The following GRB10 variants were observed in gnomAD, a reference collection of about 807,000 sequenced individuals.
The protein encoded by GRB10 is growth factor receptor-bound protein 10.
In GRB10, 20 loss-of-function variants were observed where a neutral mutation model predicts 80.9. That is an observed-to-expected ratio of 0.25 (90% CI 0.17 to 0.36). The LOEUF (loss-of-function observed/expected upper bound fraction) is 0.36, where lower values mean the gene tolerates loss of function less well. GRB10 is among the 10% of genes least tolerant of loss of function. The pLI, the probability that GRB10 is intolerant of heterozygous loss-of-function variation, is 1.00. For synonymous variants in GRB10, 291 were observed against 291.5 expected, an observed-to-expected ratio of 1.00 and a Z score of 0.02; for missense variants, 548 against 747.7, an observed-to-expected ratio of 0.73 and a Z score of 3.12.
intron 7 of GRB10, among the ~76,000 whole-genome samples, chr7:50,666,407 A>G (rs2059803586): frequency 1.3e-5 from 2 of 152,104 alleles, no homozygotes; most frequent in Admixed American, 1.3e-4. Context: ...TTCTCTACCC[A>G]TGACTACTCC....
intron 4 of GRB10, among the ~76,000 whole-genome samples, chr7:50,710,031 C>G (rs2065654488): frequency 6.6e-6 from 1 of 152,116 alleles, no homozygotes; most frequent in Non-Finnish European, 1.5e-5. Context: ...AGAATGTTCT[C>G]TACCCCATCC....
chr7:50,681,708 A>G (rs969349830), intron 5 of GRB10, among the ~76,000 whole-genome samples: 1 of 152,208 alleles, frequency 6.6e-6, no homozygotes, highest in Non-Finnish European at 1.5e-5. Flanking sequence ...ATTTGAGTTT[A>G]TGGGGCTCCT....
chr7:50,735,797 A>C (rs1327419365), intron 3 of GRB10, among the ~76,000 whole-genome samples: 3 of 152,192 alleles, frequency 2.0e-5, no homozygotes. Flanking sequence ...TCTTTTGAAA[A>C]AGACGTTTAT....
rs1354252954 is a variant in GRB10 at position 50,689,334 on chromosome 7, A to G, written c.139+14487T>C. ...CAATTATTTTTCAGTGCATTTAAAA[A>G]TATATCCACAAAGATGGGAAGGTTA... is the stretch of plus-strand genomic sequence containing the variant. On this transcript the variant is annotated intron_variant, in intron 5 of 18. Transcript: ENST00000401949. Among the ~76,000 whole-genome samples the G allele has an allele frequency of 5.3e-5, 8 of 152,372 alleles. No homozygotes were observed. In the South Asian group the frequency reaches 1.7e-3, roughly 32 times the overall value.
chr7:50,675,518 C>A (rs2060834446), intron 5 of GRB10, among the ~76,000 whole-genome samples: 1 of 152,206 alleles, frequency 6.6e-6, no homozygotes, highest in African/African-American at 2.4e-5. Context: ...TTGAGTAAAG[C>A]AGATTGTTCT....
At chr7:50,684,990 G>A (rs1281989933) in intron 5 of GRB10, among the ~76,000 whole-genome samples, 1 of 152,132 alleles carries the variant, frequency 6.6e-6, no homozygotes, top group Non-Finnish European at 1.5e-5. Context: ...GAAAATCCAG[G>A]TTATGGTCCA....
intron 5 of GRB10, among the ~76,000 whole-genome samples, chr7:50,681,346 C>T (rs2061523386): frequency 6.6e-6 from 1 of 152,182 alleles, no homozygotes; most frequent in African/African-American, 2.4e-5. Context: ...ATCCCTGGCC[C>T]TTTTGGACTT....
At chr7:50,675,709 C>G (rs188213267) in intron 5 of GRB10, among the ~76,000 whole-genome samples, 8 of 152,080 alleles carry the variant, frequency 5.3e-5, no homozygotes, top group African/African-American at 1.7e-4. Flanking sequence ...TGTCATGAGC[C>G]AATTCCTAAA....
At chr7:50,762,343 T>C (rs914470338) in intron 2 of GRB10, among the ~76,000 whole-genome samples, 18 of 150,900 alleles carry the variant, frequency 1.2e-4, no homozygotes, top group Non-Finnish European at 2.7e-4. Context: ...TAAAAAATTT[T>C]TGAGGAAGCC....
chr7:50,785,604 G>A (rs1370781812), upstream of GRB10, among the ~76,000 whole-genome samples: 2 of 152,218 alleles, frequency 1.3e-5, no homozygotes, highest in African/African-American at 4.8e-5. Flanking sequence ...CCCCACATGT[G>A]GAACCATTGG....
At chr7:50,622,765 G>A (rs542124705) in intron 8 of GRB10, among the ~76,000 whole-genome samples, 1 of 151,052 alleles carries the variant, frequency 6.6e-6, no homozygotes. Context: ...GTTTAAATTT[G>A]TATTTTTCAA....
chr7:50,704,007 T>C, intron 4 of GRB10, 99 bp from the exon 5 acceptor site: 1 of 758,018 alleles, frequency 1.3e-6, no homozygotes, highest in Non-Finnish European at 2.3e-6. Context: ...TCTTCCTCAA[T>C]TCCTTACTTC....
intron 5 of GRB10, among the ~76,000 whole-genome samples, chr7:50,687,838 T>C (rs58043975): frequency 1.3e-5 from 2 of 152,186 alleles, no homozygotes; most frequent in Admixed American, 1.3e-4. Context: ...AAATGGAAGG[T>C]GAAAATAAGT....
chr7:50,703,948 CAAG>C (rs1421207332), intron 4 of GRB10, 40 bp from the exon 5 acceptor site: 1 of 1,387,124 alleles, frequency 7.2e-7, no homozygotes, highest in Non-Finnish European at 1.0e-6. Context: ...TGTGAGTTCA[CAAG>C]AAGCATCCCA....
chr7:50,692,159 T>C (rs578199208), intron 5 of GRB10, among the ~76,000 whole-genome samples: 4 of 152,232 alleles, frequency 2.6e-5, no homozygotes, highest in Admixed American at 1.3e-4. Context: ...AATCTAGAGA[T>C]GATTTAAAGT....
chr7:50,679,061 G>GT (rs2061279287), intron 5 of GRB10, among the ~76,000 whole-genome samples: 1 of 152,182 alleles, frequency 6.6e-6, no homozygotes, highest in African/African-American at 2.4e-5. Context: ...TTATAAGAAT[G>GT]TATTTTCTGC....
intron 3 of GRB10, among the ~76,000 whole-genome samples, chr7:50,744,879 A>C (rs1302047822): frequency 6.6e-6 from 1 of 152,240 alleles, no homozygotes; most frequent in Non-Finnish European, 1.5e-5. Context: ...AGTTAATTCT[A>C]TGCAGTGATG....
Position 50,755,949 on chromosome 7 carries a change from A to AC in GRB10, c.-110dup, listed in dbSNP as rs2075016003. The AC allele has an allele frequency of 2.5e-6, 1 of 398,818 alleles. No homozygotes were observed. Among genetic ancestry groups the AC allele is most frequent in the Non-Finnish European group, 4.4e-6 (1 of 226,414 alleles). 24.7% of individuals were successfully genotyped at this position (398,818 alleles called of 1,614,324 possible). A position where few individuals can be genotyped will look rare whatever the true frequency, so the allele number is the denominator to read the frequency against. ...CGGCCACCCTGGCTTCACTGAGAGG[A>AC]CCCAGGTGAGGACCTGGCTGCCGGT... On this transcript the variant is annotated 5_prime_UTR_variant, in exon 3 of 19. Transcript: ENST00000401949.
At chr7:50,607,566 T>A (rs2048755232) in intron 13 of GRB10, among the ~76,000 whole-genome samples, 1 of 152,210 alleles carries the variant, frequency 6.6e-6, no homozygotes, top group Non-Finnish European at 1.5e-5. Context: ...ACACTATGTG[T>A]CTAAGTGCTT....
Sources: gnomAD v4.1 joint callset for allele counts (sites outside exome capture counted in the v4.1 genomes callset) on GRCh38, gnomAD v4.1.1 for gene constraint, MANE v1.5 for transcripts, NCBI Gene and HGNC (gene_info 2026-07-23, HGNC 2026-07-21) for gene names.